Variants in ITGB1 observed in about 807,000 individuals in gnomAD.
The protein encoded by ITGB1 is integrin subunit beta 1.
In ITGB1, 24 loss-of-function variants were observed where a neutral mutation model predicts 86.5. That is an observed-to-expected ratio of 0.28 (90% CI 0.20 to 0.39). The LOEUF is 0.39. ITGB1 is among the 10% of genes least tolerant of loss of function. ITGB1 has a pLI of 1.00. For missense variants in ITGB1, 556 were observed against 946.9 expected (o/e 0.59, Z 5.42); for synonymous variants, 323 against 316.8 (o/e 1.02, Z -0.21).
chr10:32,916,000 G>GT (rs1398957054), intron 11 of ITGB1, among the ~76,000 whole-genome samples: 2 of 152,108 alleles, frequency 1.3e-5, no homozygotes, highest in African/African-American at 4.8e-5. Context: ...GGCAAGACTG[G>GT]TTCAACACAG....
At chr10:32,942,076 G>A (rs1406307831) in intron 1 of ITGB1, among the ~76,000 whole-genome samples, 2 of 152,070 alleles carry the variant, frequency 1.3e-5, no homozygotes, top group East Asian at 3.8e-4. Flanking sequence ...GAATACTTAG[G>A]AAGAAAGGAG....
In ITGB1 at chr10:32,910,119, C is replaced by A. The variant is rs563121017; in HGVS notation, c.2164+104G>T. The stretch of plus-strand genomic sequence containing the variant: ...GAGATGAAAAATTTCCCAACTTGAC[C>A]TAAAATATTCCAGCTGGAGGCTGTT... On this transcript the variant is annotated intron_variant, in intron 14 of 15. Transcript: ENST00000302278. The A allele has an allele frequency of 5.1e-6, 4 of 787,218 alleles. No individual in the cohort carries two copies. In the African/African-American group the frequency reaches 5.2e-5, roughly 10 times the overall value. The allele number at this position is 787,218 out of a possible 1,614,324, so 48.8% of individuals were successfully genotyped here.
chr10:32,926,190 C>A, intron 5 of ITGB1, 81 bp from the exon 6 acceptor site: 1 of 1,072,384 alleles, frequency 9.3e-7, no homozygotes, highest in South Asian at 1.4e-5. Flanking sequence ...TTAAAAAATT[C>A]ATCTATGTTA....
At chr10:32,934,928 G>C (rs938970184) in intron 2 of ITGB1, among the ~76,000 whole-genome samples, 1 of 152,002 alleles carries the variant, frequency 6.6e-6, no homozygotes, top group Non-Finnish European at 1.5e-5. Context: ...TCCTGATATC[G>C]AACTGCTCTA....
chr10:32,947,487 T>C (rs2095034164), intron 1 of ITGB1, among the ~76,000 whole-genome samples: 1 of 129,312 alleles, frequency 7.7e-6, no homozygotes, highest in Non-Finnish European at 1.7e-5. Flanking sequence ...ACACACAGTA[T>C]GTTAAAACAT....
At chr10:32,912,332 G>A (rs1365978713) in intron 11 of ITGB1, among the ~76,000 whole-genome samples, 1 of 152,226 alleles carries the variant, frequency 6.6e-6, no homozygotes, top group East Asian at 1.9e-4. Flanking sequence ...GTGAGCCGAA[G>A]CAGGGCGGGG....
Position 32,922,676 on chromosome 10 carries a change from A to G in ITGB1, c.1002T>C (p.Ile334=). ...GCTGAAATTCTTCAGTAACTGCAAA[A>G]ATTGTCTGAATATTATTTTCACTCA... ...QKLSENNIQT[I]FAVTEEFQPV... The change falls in exon 8 of 16, where the codon ATT becomes ATC. Residue 334 remains isoleucine (I), a synonymous_variant. Transcript: ENST00000302278. 1 of 1,606,698 alleles carries G rather than the reference A, an allele frequency of 6.2e-7. No individual in the cohort carries two copies.
intron 2 of ITGB1, 120 bp downstream of exon 2, chr10:32,935,372 G>C: frequency 1.6e-6 from 1 of 641,080 alleles, no homozygotes. Flanking sequence ...AGGAACAATT[G>C]CAGGGCTTCC....
chr10:32,903,972 T>G (rs1281564135), intron 15 of ITGB1, among the ~76,000 whole-genome samples: 2 of 147,800 alleles, frequency 1.4e-5, no homozygotes, highest in Non-Finnish European at 3.0e-5. Context: ...CTAAATCTAG[T>G]ATTTAATACT....
chr10:32,915,028 A>G (rs1328691587), intron 11 of ITGB1, among the ~76,000 whole-genome samples: 4 of 152,240 alleles, frequency 2.6e-5, no homozygotes, highest in Non-Finnish European at 5.9e-5. Context: ...AAACTGCTCA[A>G]CTGCATGGAA....
At chr10:32,925,323 C>T (rs1218241062) in intron 6 of ITGB1, among the ~76,000 whole-genome samples, 1 of 152,186 alleles carries the variant, frequency 6.6e-6, no homozygotes, top group Non-Finnish European at 1.5e-5. Flanking sequence ...TATTGTATCA[C>T]TTCTCAAAAT....
intron 15 of ITGB1, among the ~76,000 whole-genome samples, chr10:32,905,282 G>A (rs557886546): frequency 6.6e-6 from 1 of 152,260 alleles, no homozygotes; most frequent in East Asian, 1.9e-4. Flanking sequence ...AATGTTATCA[G>A]CACTTCCTAT....
At chr10:32,926,421 G>A (rs965626099) in intron 5 of ITGB1, among the ~76,000 whole-genome samples, 19 of 152,270 alleles carry the variant, frequency 1.2e-4, no homozygotes, top group South Asian at 2.1e-4. Context: ...TTGAAGGTAC[G>A]GCCTGGTGGA....
chr10:32,924,868 T>G (rs1378491833), intron 6 of ITGB1, among the ~76,000 whole-genome samples: 1 of 152,242 alleles, frequency 6.6e-6, no homozygotes, highest in Non-Finnish European at 1.5e-5. Flanking sequence ...TAGAGATTGA[T>G]GCATTTTAAC....
chr10:32,944,427 T>TG (rs1410301206), intron 1 of ITGB1: 4 of 318,410 alleles, frequency 1.3e-5, no homozygotes, highest in Non-Finnish European at 2.4e-5. Flanking sequence ...GCCGTGATCA[T>TG]GGGGGCCCTG....
Position 32,908,503 on chromosome 10 carries a change from A to C in ITGB1, c.2196T>G (p.Ile732Met). 1 of 1,613,874 alleles carries C rather than the reference A, an allele frequency of 6.2e-7. No homozygotes were observed. The highest frequency in any genetic ancestry group is 8.5e-7 in the Non-Finnish European group (1 of 1,179,852). Residue 732 changes from isoleucine to methionine, a missense_variant, in exon 15 of 16, where the codon ATT becomes ATG. Physicochemically the swap from Ile to Met is conservative, Grantham distance 10. Transcript: ENST00000302278. ...CAATTCCAGCAACCACACCAGCTACAATTGGAATGATGTCTGGACCAGTGG... is the reference window on the plus strand; with the variant it reads ...CAATTCCAGCAACCACACCAGCTACCATTGGAATGATGTCTGGACCAGTGG... ...ECPTGPDIIP[I>M]VAGVVAGIVL...
chr10:32,942,084 G>A (rs1013594651), intron 1 of ITGB1, among the ~76,000 whole-genome samples: 4 of 152,140 alleles, frequency 2.6e-5, no homozygotes. Context: ...AGGAAGAAAG[G>A]AGAACTGGGG....
intron 1 of ITGB1, among the ~76,000 whole-genome samples, chr10:32,956,409 A>AC (rs1458728256): frequency 1.3e-5 from 2 of 149,664 alleles, no homozygotes; most frequent in East Asian, 4.0e-4. Flanking sequence ...AAAAAAAAAA[A>AC]AATAAAAAAA....
At chr10:32,926,850 G>A (rs532213002) in intron 5 of ITGB1, among the ~76,000 whole-genome samples, 1 of 152,278 alleles carries the variant, frequency 6.6e-6, no homozygotes, top group African/African-American at 2.4e-5. Flanking sequence ...GAACCCAGAA[G>A]AGGGACCTCA....
Sources: allele counts gnomAD v4.1 joint callset (sites outside exome capture counted in the v4.1 genomes callset), GRCh38; gene constraint gnomAD v4.1.1; transcripts MANE v1.5; gene names NCBI Gene and HGNC (gene_info 2026-07-23, HGNC 2026-07-21).